Variants in TTLL8 observed in about 807,000 individuals in gnomAD.
TTLL8 encodes the protein tubulin tyrosine ligase like 8, also known as protein monoglycylase TTLL8.
A neutral mutation model predicts 77.8 loss-of-function variants in TTLL8; 65 were observed. That is an observed-to-expected ratio of 0.84 (90% CI 0.68 to 1.03). TTLL8 has a LOEUF of 1.03. TTLL8 is among the 50% of genes least tolerant of loss of function. The pLI, the probability that TTLL8 is intolerant of heterozygous loss-of-function variation, is 0.00. For missense variants in TTLL8, 910 were observed against 1,004.5 expected (o/e 0.91, Z 1.27); for synonymous variants, 402 against 422.8 (o/e 0.95, Z 0.60).
chr22:50,057,013 G>T (rs1392497466), upstream of TTLL8: 1 of 1,267,972 alleles, frequency 7.9e-7, no homozygotes. Flanking sequence ...AACTGGGAGG[G>T]TGTGGGGGGC....
Position 50,026,165 on chromosome 22 carries a change from T to C in TTLL8, c.2203+4265A>G, listed in dbSNP as rs368636255. Among the ~76,000 whole-genome samples, 9 of 152,260 alleles carry C rather than the reference T, an allele frequency of 5.9e-5. No individual in the cohort carries two copies. In the East Asian group the frequency reaches 1.2e-3, roughly 20 times the overall value. On this transcript the variant is annotated intron_variant, in intron 12 of 13. Coordinates refer to ENST00000266182, the Ensembl canonical transcript of TTLL8. ...AGGGGACCAGGCGGGCTCTGGCACA[T>C]GTGTGCAATGCAGTACTGTTATCAC...
At chr22:50,030,511 G>C in exon 12 of TTLL8, 1 of 1,340,512 alleles carries the variant, frequency 7.5e-7, no homozygotes, top group South Asian at 1.2e-5. Flanking sequence ...TGCGCATTTA[G>C]CTGGTTTGGA....
exon 3 of TTLL8, chr22:50,049,315 T>G (rs2061430911): frequency 7.3e-7 from 1 of 1,367,612 alleles, no homozygotes; most frequent in Non-Finnish European, 9.8e-7. Context: ...CTTTGGCACA[T>G]GTATCATCTG....
intron 2 of TTLL8, 134 bp from the exon 5 acceptor site, chr22:50,049,456 G>A: frequency 1.1e-6 from 1 of 946,578 alleles, no homozygotes; most frequent in Non-Finnish European, 1.5e-6. Context: ...GCCTTCCCCT[G>A]GTGGAGCAGG....
In TTLL8 at chr22:50,034,366, G is replaced by A. The variant is rs753644227; in HGVS notation, c.1018C>T (p.Arg340Trp). 8.6e-5 allele frequency: 117 copies of A among 1,366,406 alleles called. No homozygotes were observed. The highest frequency in any genetic ancestry group is 2.3e-4 in the Admixed American group (12 of 52,568). 84.6% of individuals were successfully genotyped at this position (1,366,406 alleles called of 1,614,324 possible). The change falls in exon 9 of 14, where the codon CGG becomes TGG. Residue 340 changes from arginine (R) to tryptophan (W), a missense_variant. Around this residue, in one of 2 missense-constraint regions of TTLL8, gnomAD observed 776 missense variants for 926.1 expected, o/e 0.84. Transcript: ENST00000266182. The surrounding 1 kb of genome is among the most constrained non-coding windows in gnomAD (Gnocchi z 4.1). ...GCACCAGGGGACTCACCTCGGCCCCGGGACTTGGCCGCGGGCTTTATAATC... is the reference window on the plus strand; with the variant it reads ...GCACCAGGGGACTCACCTCGGCCCCAGGACTTGGCCGCGGGCTTTATAATC...
chr22:50,029,609 T>A (rs958989471), intron 12 of TTLL8, among the ~76,000 whole-genome samples: 1 of 152,130 alleles, frequency 6.6e-6, no homozygotes, highest in Non-Finnish European at 1.5e-5. Flanking sequence ...CGGGCGCCTG[T>A]GGTCCCAGCT....
chr22:50,037,678 A>G (rs1178191501), intron 8 of TTLL8, among the ~76,000 whole-genome samples: 4 of 152,190 alleles, frequency 2.6e-5, no homozygotes, highest in Non-Finnish European at 5.9e-5. Context: ...CTTGGTCTCG[A>G]ATGCAGTGAA....
chr22:50,056,181 T>C (rs140301819), upstream of TTLL8, among the ~76,000 whole-genome samples: 768 of 152,270 alleles, frequency 5.0e-3, 4 homozygotes, highest in Non-Finnish European at 8.5e-3. This position sits in a 1 kb window ranked among gnomAD's most constrained non-coding sequence, Gnocchi z 4.1. Context: ...ACAAAGAGCA[T>C]GTATCCAGGA....
At chr22:50,027,015 C>T (rs1023763519) in intron 12 of TTLL8, among the ~76,000 whole-genome samples, 2 of 151,994 alleles carry the variant, frequency 1.3e-5, no homozygotes, top group African/African-American at 4.8e-5. Flanking sequence ...GGGTGGATCA[C>T]CTGAGGTCAG....
In TTLL8 at chr22:50,041,572, A is replaced by T; in HGVS notation, c.830+49T>A. On this transcript the variant is annotated intron_variant, in intron 7 of 13. Transcript: ENST00000266182. This position sits in a 1 kb window ranked among gnomAD's most constrained non-coding sequence, Gnocchi z 4.3. ...CTGCACTGCCCCGGCAGCTCCTGCA[A>T]TCTGCACTCACAGCTCCGACATGTG... is the stretch of plus-strand genomic sequence containing the variant. 7.7e-7 allele frequency: 1 copy of T among 1,295,188 alleles called. No individual in the cohort carries two copies. Among genetic ancestry groups the T allele is most frequent in the Non-Finnish European group, 1.0e-6 (1 of 986,198 alleles). The allele number at this position is 1,295,188 out of a possible 1,614,324, so 80.2% of individuals were successfully genotyped here.
At chr22:50,046,865 C>A (rs1043188937) in intron 4 of TTLL8, among the ~76,000 whole-genome samples, 2 of 152,200 alleles carry the variant, frequency 1.3e-5, no homozygotes, top group Non-Finnish European at 2.9e-5. Context: ...GGTCCCACAG[C>A]CCCCTCAGCA....
intron 8 of TTLL8, among the ~76,000 whole-genome samples, chr22:50,036,076 G>A (rs537354121): frequency 2.6e-5 from 4 of 152,330 alleles, no homozygotes; most frequent in East Asian, 3.9e-4. Context: ...GAACAAGCAC[G>A]GGCCTCCAGA....
chr22:50,044,687 C>T lies in TTLL8; in HGVS notation c.643+568G>A, dbSNP rs1242664232. On this transcript the variant is annotated intron_variant, in intron 6 of 13. Transcript: ENST00000266182. This position sits in a 1 kb window ranked among gnomAD's most constrained non-coding sequence, Gnocchi z 4.2. ...GCTCTGGTGGGGGATGTTGGCGGTGCAGGAGGCGCGGGGGCAGGAGAGTGT... is the reference window on the plus strand; with the variant it reads ...GCTCTGGTGGGGGATGTTGGCGGTGTAGGAGGCGCGGGGGCAGGAGAGTGT... 6.6e-6 allele frequency among the ~76,000 whole-genome samples: 1 copy of T among 152,176 alleles called. No homozygotes were observed. The highest frequency in any genetic ancestry group is 2.4e-5 in the African/African-American group (1 of 41,442).
chr22:50,021,958 C>T lies in TTLL8; in HGVS notation c.2204-5396G>A, dbSNP rs138099224. On this transcript the variant is annotated intron_variant, in intron 12 of 13. Transcript: ENST00000266182. ...CATGCAGTCCTCCATCTGACGTGCA[C>T]TCCTCCATCTGACGACGTGCACTCC... Among the ~76,000 whole-genome samples the T allele has an allele frequency of 4.1e-3, 546 of 133,630 alleles. 5 individuals carry two copies. The highest frequency in any genetic ancestry group is 0.014 in the African/African-American group (509 of 36,020). The allele number at this position is 133,630 out of a possible 152,430, so 87.7% of individuals were successfully genotyped here. A position where few individuals can be genotyped will look rare whatever the true frequency, so the allele number is the denominator to read the frequency against.
chr22:50,051,015 C>T (rs1348256165), intron 1 of TTLL8, among the ~76,000 whole-genome samples: 1 of 152,216 alleles, frequency 6.6e-6, no homozygotes, highest in Admixed American at 6.5e-5. Context: ...GCTACACCAC[C>T]AGGCCTGGCT....
intron 12 of TTLL8, among the ~76,000 whole-genome samples, chr22:50,023,296 G>C (rs2061214922): frequency 6.6e-6 from 1 of 152,166 alleles, no homozygotes; most frequent in South Asian, 2.1e-4. Flanking sequence ...CATGTGCAGG[G>C]ATCAGAAGCC....
intron 1 of TTLL8, among the ~76,000 whole-genome samples, chr22:50,053,319 A>G (rs2061454111): frequency 6.6e-6 from 1 of 152,218 alleles, no homozygotes; most frequent in African/African-American, 2.4e-5. Flanking sequence ...ATGGAATAAC[A>G]TTGCACATAG....
upstream of TTLL8, among the ~76,000 whole-genome samples, chr22:50,057,628 T>G (rs1392832021): frequency 9.2e-5 from 4 of 43,712 alleles, 1 homozygote; most frequent in Non-Finnish European, 3.7e-5. Context: ...GGGTTGGGGG[T>G]CAGGTCTGGG....
At chr22:50,035,810 G>T (rs142254988) in intron 8 of TTLL8, among the ~76,000 whole-genome samples, 1,779 of 152,338 alleles carry the variant, frequency 0.012, 16 homozygotes, top group Middle Eastern at 0.027. Context: ...CCCTCAGGAG[G>T]ATGATCTGTG....
Sources: gnomAD v4.1 joint callset for allele counts (sites outside exome capture counted in the v4.1 genomes callset) on GRCh38, gnomAD v4.1.1 for gene constraint, gnomAD v4.1.1 regional missense constraint, Gnocchi (gnomAD v3.1) non-coding constraint, MANE v1.5 for transcripts, NCBI Gene and HGNC (gene_info 2026-07-23, HGNC 2026-07-21) for gene names.